Variants in TCEA3 observed in about 807,000 individuals in gnomAD.
The protein encoded by TCEA3 is transcription elongation factor A3.
Under a neutral mutation model 44.0 loss-of-function variants are expected in TCEA3, and 36 were observed. That is an observed-to-expected ratio of 0.82 (90% CI 0.63 to 1.08). The LOEUF (loss-of-function observed/expected upper bound fraction) is 1.08. TCEA3 is among the 50% of genes least tolerant of loss of function. The pLI, the probability that TCEA3 is intolerant of heterozygous loss-of-function variation, is 0.00. For synonymous variants in TCEA3, 162 were observed against 159.7 expected (o/e 1.01, Z -0.11); for missense variants, 392 against 441.2 (o/e 0.89, Z 1.00).
At position 23,381,145 on chromosome 1, in the gene TCEA3, G is replaced by A. The variant is rs1015384602; in HGVS notation, c.*321C>T. 9.0e-6 allele frequency: 3 copies of A among 333,754 alleles called. No homozygotes were observed. Among genetic ancestry groups the A allele is most frequent in the Admixed American group, 4.6e-5 (1 of 21,568 alleles). 20.7% of individuals were successfully genotyped at this position (333,754 alleles called of 1,614,324 possible). On this transcript the variant is annotated 3_prime_UTR_variant, in exon 11 of 11. Transcript: ENST00000450454. Reference sequence around the variant, plus strand: ...GCCTGGGCTGGACTCAAACTTCTGGGGTTAAGCGATTCTCCCACCTCAGCC... The same window carrying A: ...GCCTGGGCTGGACTCAAACTTCTGGAGTTAAGCGATTCTCCCACCTCAGCC...
intron 2 of TCEA3, chr1:23,418,304 C>A (rs961155486): frequency 2.7e-6 from 1 of 373,314 alleles, no homozygotes; most frequent in Non-Finnish European, 5.0e-6. Flanking sequence ...CCCTCCCATT[C>A]CCAACCCTCT....
At chr1:23,412,032 G>A (rs1044453980) in intron 4 of TCEA3, 99 of 152,224 alleles carry the variant, frequency 6.5e-4, no homozygotes, top group African/African-American at 2.3e-3. Context: ...CCACTGAGCC[G>A]GTGCATACCT....
intron 1 of TCEA3, among the ~76,000 whole-genome samples, chr1:23,420,601 T>C (rs1029699398): frequency 4.6e-5 from 7 of 152,180 alleles, no homozygotes; most frequent in African/African-American, 1.4e-4. Flanking sequence ...AGGTTCCAGT[T>C]TGGGGCTGCT....
At chr1:23,391,965 G>T (rs894393885) in intron 8 of TCEA3, among the ~76,000 whole-genome samples, 1 of 152,028 alleles carries the variant, frequency 6.6e-6, no homozygotes, top group African/African-American at 2.4e-5. Context: ...AGGAATAAAT[G>T]CCTGTTGTTT....
intron 8 of TCEA3, among the ~76,000 whole-genome samples, chr1:23,392,120 C>G (rs188710090): frequency 6.6e-6 from 1 of 152,196 alleles, no homozygotes; most frequent in Non-Finnish European, 1.5e-5. Context: ...AAAGATAACC[C>G]TGGTCTACCT....
rs773543867 is a variant in TCEA3, at chr1:23,417,886, A to G, written c.238+18T>C. 36 of 1,612,314 alleles carry G rather than the reference A, an allele frequency of 2.2e-5. No homozygotes were observed. Among genetic ancestry groups the G allele is most frequent in the Non-Finnish European group, 3.0e-5 (35 of 1,178,350 alleles). ...CTAGGAGAAAAACAGGGCTCAAGAC[A>G]ACCTTGTCCTCTCTCACCTAGCAGC... On this transcript the variant is annotated intron_variant, in intron 3 of 10. Transcript: ENST00000450454.
At chr1:23,383,684 A>G (rs686546) in intron 10 of TCEA3, 910,222 of 985,456 alleles carry the variant, frequency 0.92, 420,583 homozygotes, top group Admixed American at 0.93. Context: ...CATGGTGCAC[A>G]TGCAAGTCAG....
At chr1:23,394,292 G>A (rs1302660314) in intron 7 of TCEA3, among the ~76,000 whole-genome samples, 4 of 152,148 alleles carry the variant, frequency 2.6e-5, no homozygotes, top group Non-Finnish European at 5.9e-5. Context: ...GGGACACCAG[G>A]ACCCTGGGTT....
At chr1:23,423,753 C>T (rs1164644768) in intron 1 of TCEA3, 5 of 455,878 alleles carry the variant, frequency 1.1e-5, no homozygotes, top group Non-Finnish European at 2.2e-5. Context: ...GACCAGTCGG[C>T]CGCCAGCCCC....
intron 4 of TCEA3, among the ~76,000 whole-genome samples, chr1:23,416,007 T>C (rs919678464): frequency 3.4e-5 from 5 of 148,030 alleles, no homozygotes; most frequent in African/African-American, 1.2e-4. Flanking sequence ...TTCCTTTTTT[T>C]TTTTTTTTTT....
intron 8 of TCEA3, among the ~76,000 whole-genome samples, chr1:23,390,601 G>C (rs1638994321): frequency 6.6e-6 from 1 of 152,196 alleles, no homozygotes; most frequent in Admixed American, 6.5e-5. Context: ...CTGGAGGTCA[G>C]ATTGTGGAAG....
Position 23,424,499 on chromosome 1 carries a change from C to A in TCEA3, c.69+66G>T. The A allele has an allele frequency of 2.0e-6, 3 of 1,485,030 alleles. No individual in the cohort carries two copies. In the South Asian group the frequency reaches 3.5e-5, roughly 17 times the overall value. The allele number at this position is 1,485,030 out of a possible 1,614,324, so 92.0% of individuals were successfully genotyped here. A position where few individuals can be genotyped will look rare whatever the true frequency, so the allele number is the denominator to read the frequency against. ...GGCGCCCCGCCAGTACGTCCCCACCCCGGAATCCGGGGCTTGCCCGCGCCT... is the reference window on the plus strand; with the variant it reads ...GGCGCCCCGCCAGTACGTCCCCACCACGGAATCCGGGGCTTGCCCGCGCCT... On this transcript the variant is annotated intron_variant, in intron 1 of 10. Transcript: ENST00000450454.
At chr1:23,423,708 T>C (rs958009919) in intron 1 of TCEA3, 3 of 455,652 alleles carry the variant, frequency 6.6e-6, no homozygotes, top group Non-Finnish European at 1.3e-5. Flanking sequence ...GCGCAGGCCC[T>C]CCAGGACCCA....
At chr1:23,422,274 T>C (rs1444063533) in intron 1 of TCEA3, among the ~76,000 whole-genome samples, 1 of 152,208 alleles carries the variant, frequency 6.6e-6, no homozygotes, top group African/African-American at 2.4e-5. Context: ...TCAGTATGCT[T>C]GTCATGTTGG....
At chr1:23,382,588 G>A (rs892681674) in intron 10 of TCEA3, among the ~76,000 whole-genome samples, 2 of 152,232 alleles carry the variant, frequency 1.3e-5, no homozygotes, top group African/African-American at 4.8e-5. Flanking sequence ...ACCCTGGCAT[G>A]AGGCTGTGCC....
chr1:23,384,354 G>A lies in TCEA3; in HGVS notation c.1030C>T (p.Arg344Cys), dbSNP rs1445010824. ...TFVLCNECGN[R>C]WKFC ...TACATAAACATACAGACCTTCCAGC[G>A]ATTGCCACATTCATTGCATAAGACA... is the stretch of plus-strand genomic sequence containing the variant. The change falls in exon 10 of 11, where the codon CGC (arginine) becomes TGC (cysteine). Residue 344 changes from arginine to cysteine, a missense_variant. Arg to Cys is a radical substitution (Grantham distance 180). Coordinates refer to ENST00000450454, the MANE Select transcript of TCEA3 (RefSeq NM_003196.3). 11 of 1,613,846 alleles carry A rather than the reference G, an allele frequency of 6.8e-6. No homozygotes were observed. Among genetic ancestry groups the A allele is most frequent in the African/African-American group, 1.3e-5 (1 of 74,938 alleles).
At chr1:23,384,537 G>A (rs764656276) in intron 9 of TCEA3, 120 bp from the exon 10 acceptor site, 15 of 997,266 alleles carry the variant, frequency 1.5e-5, no homozygotes, top group African/African-American at 1.5e-4. Context: ...CCCACCCCCC[G>A]CTGGCAATTT....
intron 3 of TCEA3, 43 bp from the exon 4 acceptor site, chr1:23,417,433 C>CT: frequency 6.3e-7 from 1 of 1,594,592 alleles, no homozygotes; most frequent in Non-Finnish European, 8.5e-7. Flanking sequence ...TAAGCTCTGT[C>CT]TCAGCAGAAC....
At chr1:23,412,578 C>T (rs1297274743) in intron 4 of TCEA3, among the ~76,000 whole-genome samples, 3 of 151,584 alleles carry the variant, frequency 2.0e-5, no homozygotes, top group African/African-American at 7.3e-5. Context: ...CATGGAGGCA[C>T]ATGCCTGTAA....
Sources: allele counts gnomAD v4.1 joint callset (sites outside exome capture counted in the v4.1 genomes callset), GRCh38; gene constraint gnomAD v4.1.1; transcripts MANE v1.5; gene names NCBI Gene and HGNC (gene_info 2026-07-23, HGNC 2026-07-21).